The following SIM2 variants were observed in gnomAD, a reference collection of about 807,000 sequenced individuals.
SIM2 encodes SIM bHLH transcription factor 2.
A neutral mutation model predicts 64.8 loss-of-function variants in SIM2; 28 were observed. That is an observed-to-expected ratio of 0.43 (90% CI 0.32 to 0.59). The LOEUF is 0.59. SIM2 is among the 20% of genes least tolerant of loss of function. The probability of loss-of-function intolerance (pLI) is 0.07; values close to 1 mark genes in which losing one functional copy is unlikely to be tolerated. For missense variants in SIM2, 847 were observed against 871.4 expected, an observed-to-expected ratio of 0.97 and a Z score of 0.35; for synonymous variants, 408 against 391.1, an observed-to-expected ratio of 1.04 and a Z score of -0.51.
Position 36,741,873 on chromosome 21 carries a change from C to G in SIM2, c.998+9C>G. 3 of 1,561,054 alleles carry G rather than the reference C, an allele frequency of 1.9e-6. No homozygotes were observed. Among genetic ancestry groups the G allele is most frequent in the Non-Finnish European group, 2.6e-6 (3 of 1,150,732 alleles). ...GTCAATTATGTACTCACGTAAGTCA[C>G]ACGTATTTGTTTCTCTCCTTGCTCT... On this transcript the variant is annotated intron_variant, in intron 8 of 10. Transcript: ENST00000290399.
At chr21:36,727,441 G>A (rs193021792) in intron 6 of SIM2, among the ~76,000 whole-genome samples, 1 of 152,196 alleles carries the variant, frequency 6.6e-6, no homozygotes, top group Non-Finnish European at 1.5e-5. Flanking sequence ...TGTCCACTCT[G>A]TGGAACCATC....
chr21:36,745,209 G>A lies in SIM2; in HGVS notation c.1576+73G>A. ...GGGAGCCGAAGCAGCCATGGCGGTG[G>A]GTGGCAGATGGAGACAGAACCCTCA... On this transcript the variant is annotated intron_variant, in intron 10 of 10. Coordinates refer to ENST00000290399, the MANE Select transcript of SIM2 (RefSeq NM_005069.6). The surrounding 1 kb of genome is among the most constrained non-coding windows in gnomAD (Gnocchi z 4.8). 1 of 1,521,900 alleles carries A rather than the reference G, an allele frequency of 6.6e-7. No homozygotes were observed. Among genetic ancestry groups the A allele is most frequent in the Non-Finnish European group, 8.8e-7 (1 of 1,133,222 alleles). The allele number at this position is 1,521,900 out of a possible 1,614,324, so 94.3% of individuals were successfully genotyped here. A position where few individuals can be genotyped will look rare whatever the true frequency, so the allele number is the denominator to read the frequency against.
chr21:36,699,687 G>C lies in SIM2; in HGVS notation c.-60G>C, dbSNP rs530193410. The C allele has an allele frequency of 1.9e-6, 3 of 1,564,356 alleles. No homozygotes were observed. The highest frequency in any genetic ancestry group is 2.5e-5 in the East Asian group (1 of 40,754). On this transcript the variant is annotated 5_prime_UTR_variant, in exon 1 of 11. Transcript: ENST00000290399. The surrounding 1 kb of genome is among the most constrained non-coding windows in gnomAD (Gnocchi z 5.6). ...TTCCCCATCCCCGCCGCCGCAGCCC[G>C]AGCGGGGCTCCGCGGGCCTGGAGCA...
intron 4 of SIM2, 111 bp from the exon 5 acceptor site, chr21:36,722,934 G>C: frequency 1.2e-6 from 1 of 819,138 alleles, no homozygotes; most frequent in Non-Finnish European, 2.1e-6. Context: ...GGCACACTGA[G>C]AAGGCCTCTG....
intron 7 of SIM2, among the ~76,000 whole-genome samples, chr21:36,738,481 G>C (rs1467799352): frequency 6.6e-6 from 1 of 152,188 alleles, no homozygotes; most frequent in African/African-American, 2.4e-5. Flanking sequence ...CTCCAGCCTG[G>C]GTGGCAAAGC....
chr21:36,744,531 T>A (rs977282847), intron 9 of SIM2, among the ~76,000 whole-genome samples, 197 bp from the exon 10 acceptor site: 2 of 152,268 alleles, frequency 1.3e-5, no homozygotes, highest in South Asian at 4.1e-4. Context: ...GGGTGGGGGA[T>A]CTCTTTCCAC....
intron 7 of SIM2, among the ~76,000 whole-genome samples, chr21:36,738,329 A>G (rs1275196059): frequency 6.6e-6 from 1 of 152,170 alleles, no homozygotes; most frequent in African/African-American, 2.4e-5. Flanking sequence ...ACATAGTGAA[A>G]CCCCGTCTCT....
Position 36,736,862 on chromosome 21 carries a change from T to G in SIM2, c.851-4855T>G, listed in dbSNP as rs931401278. 1.4e-3 allele frequency among the ~76,000 whole-genome samples: 119 copies of G among 87,946 alleles called. 1 individual carries two copies. Among genetic ancestry groups the G allele is most frequent in the Non-Finnish European group, 2.3e-3 (94 of 40,150 alleles). The allele number at this position is 87,946 out of a possible 152,430, so 57.7% of individuals were successfully genotyped here. ...TTCTCTTTCTTTTCTTTCTTTCTTT[T>G]TCTTTCTTTCTTTCTTCCTTCCTTT... On this transcript the variant is annotated intron_variant, in intron 7 of 10. Coordinates refer to ENST00000290399, the MANE Select transcript of SIM2 (RefSeq NM_005069.6).
At chr21:36,707,579 A>C (rs1189822240) in intron 1 of SIM2, among the ~76,000 whole-genome samples, 3 of 151,998 alleles carry the variant, frequency 2.0e-5, no homozygotes, top group Non-Finnish European at 4.4e-5. Flanking sequence ...TAAATTGAGG[A>C]ATAGTGGTTT....
At position 36,749,616 on chromosome 21, in the gene SIM2, T is replaced by C. The variant is rs1454061262; in HGVS notation, c.*1524T>C. On this transcript the variant is annotated 3_prime_UTR_variant, in exon 11 of 11. Coordinates refer to ENST00000290399, the MANE Select transcript of SIM2 (RefSeq NM_005069.6). ...TGGTAGGAAGGGATGTGCCCGCCTC[T>C]CCACGCACTCAGCTATACCTCATTC... The C allele has an allele frequency of 6.6e-6, 1 of 152,206 alleles. No homozygotes were observed. Among genetic ancestry groups the C allele is most frequent in the East Asian group, 1.9e-4 (1 of 5,204 alleles). 9.4% of individuals were successfully genotyped at this position (152,206 alleles called of 1,614,324 possible). A position where few individuals can be genotyped will look rare whatever the true frequency, so the allele number is the denominator to read the frequency against.
At chr21:36,706,914 A>G (rs2088592295) in intron 1 of SIM2, among the ~76,000 whole-genome samples, 1 of 152,250 alleles carries the variant, frequency 6.6e-6, no homozygotes, top group East Asian at 1.9e-4. Context: ...GGGTATTTGA[A>G]TCATACAGAA....
At chr21:36,742,302 A>AT (rs1335327886) in intron 8 of SIM2, among the ~76,000 whole-genome samples, 9 of 151,206 alleles carry the variant, frequency 6.0e-5, no homozygotes, top group Non-Finnish European at 1.2e-4. Flanking sequence ...GAAATATCCC[A>AT]TTTTTTACCT....
chr21:36,710,185 T>G (rs2088654699), intron 2 of SIM2: 1 of 152,520 alleles, frequency 6.6e-6, no homozygotes, highest in South Asian at 2.1e-4. Flanking sequence ...ATGTCTAAGG[T>G]CACACAGCAA....
In SIM2 at chr21:36,740,109, A is replaced by T. The variant is rs1474384244; in HGVS notation, c.851-1608A>T. On this transcript the variant is annotated intron_variant, in intron 7 of 10. Coordinates refer to ENST00000290399, the MANE Select transcript of SIM2 (RefSeq NM_005069.6). ...AGCCGGTGTCACCTGTTGGCCTTTC[A>T]TTTTTTTTTTTTTTTAGATAAAATT... is the stretch of plus-strand genomic sequence containing the variant. Among the ~76,000 whole-genome samples the T allele has an allele frequency of 2.1e-5, 3 of 140,450 alleles. 1 individual carries two copies. The highest frequency in any genetic ancestry group is 4.5e-4 in the South Asian group (2 of 4,450). The allele number at this position is 140,450 out of a possible 152,430, so 92.1% of individuals were successfully genotyped here.
rs2089249120 is a variant in SIM2 at position 36,747,727 on chromosome 21, G to C, written c.1639G>C (p.Gly547Arg). ...DTAPPSFPSC[G>R]HYREEPALGP... ...CGCGCCCCCGAGCTTCCCGAGCTGC[G>C]GCCACTACCGCGAGGAGCCCGCGCT... is the stretch of plus-strand genomic sequence containing the variant. Residue 547 changes from glycine (G) to arginine (R), a missense_variant, in exon 11 of 11, where the codon GGC becomes CGC. Gly to Arg is a moderately radical substitution (Grantham distance 125). Coordinates refer to ENST00000290399, the MANE Select transcript of SIM2 (RefSeq NM_005069.6). The surrounding 1 kb of genome is among the most constrained non-coding windows in gnomAD (Gnocchi z 4.5). The C allele has an allele frequency of 5.5e-6, 7 of 1,262,452 alleles. No individual in the cohort carries two copies. The highest frequency in any genetic ancestry group is 3.1e-5 in the African/African-American group (2 of 63,762). The allele number at this position is 1,262,452 out of a possible 1,614,324, so 78.2% of individuals were successfully genotyped here.
At chr21:36,740,517 A>C (rs2123497546) in intron 7 of SIM2, among the ~76,000 whole-genome samples, 1 of 152,294 alleles carries the variant, frequency 6.6e-6, no homozygotes, top group South Asian at 2.1e-4. Context: ...CTATATATTA[A>C]GGTGAATAAC....
Position 36,747,639 on chromosome 21 carries a change from C to T in SIM2, c.1577-26C>T, listed in dbSNP as rs552158934. 103 of 1,227,856 alleles carry T rather than the reference C, an allele frequency of 8.4e-5. No individual in the cohort carries two copies. The highest frequency in any genetic ancestry group is 3.3e-4 in the African/African-American group (21 of 63,502). The allele number at this position is 1,227,856 out of a possible 1,614,324, so 76.1% of individuals were successfully genotyped here. On this transcript the variant is annotated intron_variant, in intron 10 of 10. Transcript: ENST00000290399. The surrounding 1 kb of genome is among the most constrained non-coding windows in gnomAD (Gnocchi z 4.5). ...GGCTGCGGCCGCGCCCCTTGCTGCC[C>T]TCTAACGTGTCGCCTGTCCCCGCAG...
chr21:36,700,076 C>T (rs1449786567), intron 1 of SIM2, among the ~76,000 whole-genome samples, 155 bp downstream of exon 1: 8 of 152,284 alleles, frequency 5.3e-5, no homozygotes, highest in African/African-American at 1.9e-4. Context: ...TCGGCTTCGG[C>T]GCTGGCTTGG....
At chr21:36,736,162 C>T (rs1892911) in intron 7 of SIM2, among the ~76,000 whole-genome samples, 22,699 of 152,132 alleles carry the variant, frequency 0.15, 1,736 homozygotes, top group Middle Eastern at 0.21. Context: ...AACCCCCGCC[C>T]GGGCCCCTCA....
Sources: gnomAD v4.1 joint callset for allele counts (sites outside exome capture counted in the v4.1 genomes callset) on GRCh38, gnomAD v4.1.1 for gene constraint, Gnocchi (gnomAD v3.1) non-coding constraint, MANE v1.5 for transcripts, NCBI Gene and HGNC (gene_info 2026-07-23, HGNC 2026-07-21) for gene names.